PTPRD: variants seen among roughly 807,000 people sequenced by gnomAD.
The protein encoded by PTPRD is receptor-type tyrosine-protein phosphatase delta.
In PTPRD, 34 loss-of-function variants were observed where a neutral mutation model predicts 214.5. That is an observed-to-expected ratio of 0.16 (90% CI 0.12 to 0.21). The LOEUF (loss-of-function observed/expected upper bound fraction) is 0.21. PTPRD is among the 10% of genes least tolerant of loss of function. The pLI, the probability that PTPRD is intolerant of heterozygous loss-of-function variation, is 1.00. For missense variants in PTPRD, 2,545 were observed against 2,398.7 expected (o/e 1.06, Z -1.27); for synonymous variants, 1,128 against 845.7 (o/e 1.33, Z -5.79).
At chr9:9,322,569 A>G (rs1349746063) in intron 9 of PTPRD, among the ~76,000 whole-genome samples, 2 of 152,164 alleles carry the variant, frequency 1.3e-5, no homozygotes, top group East Asian at 3.9e-4. Flanking sequence ...CATCCAGCAC[A>G]TTTATACAGC....
chr9:9,388,583 T>C (rs892070826), intron 9 of PTPRD, among the ~76,000 whole-genome samples: 8 of 152,134 alleles, frequency 5.3e-5, no homozygotes, highest in African/African-American at 1.7e-4. Flanking sequence ...TGAATGATTC[T>C]AAGGCTTCAT....
At chr9:8,630,054 A>C (rs2096200928) in intron 14 of PTPRD, among the ~76,000 whole-genome samples, 1 of 151,842 alleles carries the variant, frequency 6.6e-6, no homozygotes, top group Admixed American at 6.6e-5. Flanking sequence ...CCAATTAATT[A>C]GTTTCTCTAG....
At chr9:9,763,399 A>G (rs540386137) in intron 6 of PTPRD, among the ~76,000 whole-genome samples, 1 of 152,228 alleles carries the variant, frequency 6.6e-6, no homozygotes, top group African/African-American at 2.4e-5. Context: ...TACATAATAT[A>G]TATGTATTAA....
intron 2 of PTPRD, among the ~76,000 whole-genome samples, chr9:10,461,144 G>C (rs997503080): frequency 2.0e-5 from 3 of 151,796 alleles, no homozygotes; most frequent in Non-Finnish European, 4.4e-5. Flanking sequence ...ATGAAAAAGT[G>C]CTCAACACCA....
intron 9 of PTPRD, among the ~76,000 whole-genome samples, chr9:9,234,453 T>C (rs938437240): frequency 2.0e-5 from 3 of 152,174 alleles, no homozygotes; most frequent in Admixed American, 2.0e-4. Context: ...ATTTTCCCCA[T>C]TGTCTTGGTG....
chr9:10,318,305 C>A (rs796358950), intron 3 of PTPRD, among the ~76,000 whole-genome samples: 26 of 152,030 alleles, frequency 1.7e-4, no homozygotes, highest in African/African-American at 6.0e-4. Context: ...CAGAAAATTA[C>A]CAGGGGTCTA....
chr9:8,757,300 C>A (rs2094070797), intron 11 of PTPRD, among the ~76,000 whole-genome samples: 1 of 151,994 alleles, frequency 6.6e-6, no homozygotes, highest in African/African-American at 2.4e-5. Flanking sequence ...ATTAGAAAAG[C>A]ACGATAATAT....
intron 2 of PTPRD, among the ~76,000 whole-genome samples, chr9:10,480,297 C>T (rs914016527): frequency 3.3e-5 from 5 of 152,264 alleles, no homozygotes; most frequent in African/African-American, 1.2e-4. Context: ...TCTATCCATT[C>T]TCTACCAGGC....
At chr9:9,448,141 G>T (rs1285181756) in intron 8 of PTPRD, among the ~76,000 whole-genome samples, 1 of 151,970 alleles carries the variant, frequency 6.6e-6, no homozygotes, top group East Asian at 1.9e-4. Context: ...TTAAATCAGG[G>T]TAGTAACAAT....
intron 11 of PTPRD, among the ~76,000 whole-genome samples, chr9:8,768,972 G>C (rs977739540): frequency 1.3e-5 from 2 of 152,162 alleles, no homozygotes; most frequent in African/African-American, 2.4e-5. Context: ...GATTTCCCGT[G>C]TTTCAAGGGT....
chr9:9,420,644 G>A (rs1242394148), intron 8 of PTPRD, among the ~76,000 whole-genome samples: 2 of 151,748 alleles, frequency 1.3e-5, no homozygotes, highest in African/African-American at 2.4e-5. Context: ...AGTGAAAGTT[G>A]GAAACAACAA....
intron 5 of PTPRD, among the ~76,000 whole-genome samples, chr9:9,851,443 C>A (rs79192993): frequency 1.3e-5 from 2 of 152,130 alleles, no homozygotes; most frequent in African/African-American, 4.8e-5. Context: ...TTAAATATTG[C>A]CTCTTTTTGT....
chr9:10,296,783 G>C (rs75091064), intron 3 of PTPRD, among the ~76,000 whole-genome samples: 3,365 of 152,048 alleles, frequency 0.022, 133 homozygotes, highest in African/African-American at 0.077. Flanking sequence ...TTCCAGGCAT[G>C]GTTTTCACTG....
intron 7 of PTPRD, among the ~76,000 whole-genome samples, chr9:9,592,095 T>C (rs1010417769): frequency 6.6e-6 from 1 of 152,092 alleles, no homozygotes; most frequent in Non-Finnish European, 1.5e-5. Flanking sequence ...AATATGGACT[T>C]AAAAATATTT....
chr9:8,341,063 G>T (rs1177174495), intron 41 of PTPRD, 27 bp downstream of exon 41: 5 of 1,546,872 alleles, frequency 3.2e-6, no homozygotes, highest in East Asian at 4.6e-5. Context: ...CAAGGCTTTG[G>T]ATAGTCAGGG....
At chr9:9,973,883 A>G (rs1223911150) in intron 4 of PTPRD, among the ~76,000 whole-genome samples, 2 of 152,178 alleles carry the variant, frequency 1.3e-5, no homozygotes, top group Non-Finnish European at 2.9e-5. Flanking sequence ...TCTAATAGAC[A>G]CTTATGTGAA....
intron 9 of PTPRD, among the ~76,000 whole-genome samples, chr9:9,208,019 G>GTTTTTTTTTTT (rs1569562243): frequency 1.9e-4 from 5 of 26,036 alleles, no homozygotes; most frequent in African/African-American, 1.9e-4. Context: ...ATATATATCT[G>GTTTTTTTTTTT]CTTTTTTTTT....
intron 10 of PTPRD, among the ~76,000 whole-genome samples, chr9:9,129,160 CG>C (rs933674886): frequency 6.6e-6 from 1 of 152,122 alleles, no homozygotes; most frequent in Non-Finnish European, 1.5e-5. Context: ...GAGGCCGAGG[CG>C]GGTTGATCAC....
At chr9:8,737,750 A>T (rs770503721) in intron 11 of PTPRD, among the ~76,000 whole-genome samples, 4 of 152,100 alleles carry the variant, frequency 2.6e-5, no homozygotes, top group Non-Finnish European at 5.9e-5. Flanking sequence ...TCCTCAGTTC[A>T]AGCGATTCTC....
Sources: gnomAD v4.1 joint callset for allele counts (sites outside exome capture counted in the v4.1 genomes callset) on GRCh38, gnomAD v4.1.1 for gene constraint, MANE v1.5 for transcripts, NCBI Gene and HGNC (gene_info 2026-07-23, HGNC 2026-07-21) for gene names.